The following PLD1 variants were observed in gnomAD, a reference collection of about 807,000 sequenced individuals.
The protein encoded by PLD1 is choline phosphatase 1.
In PLD1, 112 loss-of-function variants were observed where a neutral mutation model predicts 137.1. The observed-to-expected ratio is 0.82, with a 90% CI of 0.70 to 0.96. The LOEUF (loss-of-function observed/expected upper bound fraction) is 0.96. PLD1 is among the 40% of genes least tolerant of loss of function. The pLI is 0.00. For missense variants in PLD1, 1,321 were observed against 1,342.0 expected (o/e 0.98, Z 0.24); for synonymous variants, 431 against 454.7 (o/e 0.95, Z 0.66).
In PLD1 at chr3:171,621,597, A is replaced by G. The variant is rs145358684; in HGVS notation, c.2594-1077T>C. Reference sequence around the variant, plus strand: ...AAATTCATTCATAGGTTATGTATAGAGATGCCTCCATTTAGAGATAGCTCT... The same window carrying G: ...AAATTCATTCATAGGTTATGTATAGGGATGCCTCCATTTAGAGATAGCTCT... On this transcript the variant is annotated intron_variant, in intron 23 of 26. Transcript: ENST00000351298. Among the ~76,000 whole-genome samples the G allele has an allele frequency of 5.8e-3, 884 of 152,288 alleles. 5 individuals carry two copies. Among genetic ancestry groups the G allele is most frequent in the African/African-American group, 0.02 (850 of 41,562 alleles).
At chr3:171,795,126 CA>C (rs1328384528) in intron 1 of PLD1, among the ~76,000 whole-genome samples, 1 of 152,226 alleles carries the variant, frequency 6.6e-6, no homozygotes, top group East Asian at 1.9e-4. Flanking sequence ...CAAATCCTCT[CA>C]AACTTGCTTC....
intron 9 of PLD1, among the ~76,000 whole-genome samples, chr3:171,711,959 A>G (rs1431547642): frequency 6.6e-6 from 1 of 152,142 alleles, no homozygotes; most frequent in African/African-American, 2.4e-5. Context: ...AGAGTGTTGG[A>G]GCCAGCTGTA....
At position 171,783,592 on chromosome 3, in the gene PLD1, TTTTTA is replaced by T. The variant is rs1275692199; in HGVS notation, c.-32+26802_-32+26806del. On this transcript the variant is annotated intron_variant, in intron 1 of 26. Coordinates refer to ENST00000351298, the MANE Select transcript of PLD1 (RefSeq NM_002662.5). ...AAATCTAAATGTTTGACTCCTGTTT[TTTTTA>T]TTTTATTTTATTGATTGAGATAGGG... 3.8e-4 allele frequency among the ~76,000 whole-genome samples: 58 copies of T among 152,212 alleles called. 3 individuals are homozygous for T. In the East Asian group the frequency reaches 0.011, roughly 28 times the overall value.
chr3:171,685,549 A>G (rs1321014588), intron 16 of PLD1, among the ~76,000 whole-genome samples: 7 of 152,300 alleles, frequency 4.6e-5, no homozygotes, highest in East Asian at 3.9e-4. Context: ...GGAGATGACA[A>G]TATCACTACC....
chr3:171,621,429 TG>T (rs1437643739), intron 23 of PLD1, among the ~76,000 whole-genome samples: 1 of 152,210 alleles, frequency 6.6e-6, no homozygotes, highest in Non-Finnish European at 1.5e-5. Context: ...CATTTTTTTT[TG>T]TCTTTAAGAG....
chr3:171,753,872 C>T (rs534191804), intron 1 of PLD1, among the ~76,000 whole-genome samples: 10 of 152,268 alleles, frequency 6.6e-5, no homozygotes, highest in South Asian at 4.1e-4. Flanking sequence ...TTTTGTATTA[C>T]GTTTCCCTGC....
intron 21 of PLD1, among the ~76,000 whole-genome samples, chr3:171,658,310 C>T (rs533980664): frequency 7.9e-5 from 12 of 152,062 alleles, no homozygotes; most frequent in South Asian, 6.2e-4. Context: ...CAATTCTACC[C>T]CTAGAGAAAT....
At chr3:171,745,839 G>A (rs547240799) in intron 1 of PLD1, among the ~76,000 whole-genome samples, 1 of 152,212 alleles carries the variant, frequency 6.6e-6, no homozygotes, top group East Asian at 1.9e-4. Context: ...GCCCCTCTCT[G>A]GGCTGGCGGA....
Position 171,662,167 on chromosome 3 carries a change from G to A in PLD1, c.2233C>T (p.Leu745Phe). 1 of 1,589,996 alleles carries A rather than the reference G, an allele frequency of 6.3e-7. No individual in the cohort carries two copies. Among genetic ancestry groups the A allele is most frequent in the South Asian group, 1.1e-5 (1 of 90,440 alleles). ...GCAGACCAATCAGCAGCAGAGCGGA[G>A]CAACTACAAGGCAGCAATCAGAAAT... The part of the protein sequence containing the change: ...PGSVHANVQL[L>F]RSAADWSAGI... The change falls in exon 20 of 27, where the codon CTC becomes TTC. Residue 745 changes from leucine (L) to phenylalanine (F), a missense_variant. Coordinates refer to ENST00000351298, the MANE Select transcript of PLD1 (RefSeq NM_002662.5).
chr3:171,704,732 C>G (rs1716537319), intron 11 of PLD1, among the ~76,000 whole-genome samples: 1 of 152,108 alleles, frequency 6.6e-6, no homozygotes, highest in African/African-American at 2.4e-5. Flanking sequence ...TTCCCCAAAC[C>G]TCACAGGATA....
chr3:171,620,329 T>A, intron 24 of PLD1, 57 bp downstream of exon 24: 1 of 1,320,728 alleles, frequency 7.6e-7, no homozygotes, highest in South Asian at 1.7e-5. Context: ...CAAACATTTT[T>A]GCATGGGGTA....
At chr3:171,608,894 A>T (rs1732421781) in intron 25 of PLD1, among the ~76,000 whole-genome samples, 1 of 152,198 alleles carries the variant, frequency 6.6e-6, no homozygotes, top group Non-Finnish European at 1.5e-5. Flanking sequence ...AGAAAAAAAC[A>T]GATTGATTTG....
At chr3:171,792,443 G>A (rs771654165) in intron 1 of PLD1, 19 of 374,264 alleles carry the variant, frequency 5.1e-5, no homozygotes. Context: ...GATGGATCAG[G>A]GGCCCCTGGC....
intron 19 of PLD1, among the ~76,000 whole-genome samples, chr3:171,671,212 G>A (rs375119193): frequency 1.4e-4 from 21 of 152,108 alleles, no homozygotes; most frequent in Admixed American, 9.2e-4. Flanking sequence ...ACTGCCTAGC[G>A]ACACTTTTAT....
intron 6 of PLD1, among the ~76,000 whole-genome samples, chr3:171,731,292 C>T (rs1355696553): frequency 6.6e-6 from 1 of 152,120 alleles, no homozygotes; most frequent in Non-Finnish European, 1.5e-5. Context: ...GTATTTCTCA[C>T]AATTATTGAA....
At chr3:171,621,566 G>A (rs2108297869) in intron 23 of PLD1, among the ~76,000 whole-genome samples, 1 of 152,118 alleles carries the variant, frequency 6.6e-6, no homozygotes, top group Admixed American at 6.5e-5. Flanking sequence ...TGGGTATCTT[G>A]GAAAGAAATT....
At chr3:171,657,055 T>A (rs1261131106) in intron 21 of PLD1, among the ~76,000 whole-genome samples, 1 of 152,210 alleles carries the variant, frequency 6.6e-6, no homozygotes, top group East Asian at 1.9e-4. Flanking sequence ...GGGTTGAAAG[T>A]CCAAAGATTT....
At position 171,712,294 on chromosome 3, in the gene PLD1, G is replaced by A. The variant is rs555197315; in HGVS notation, c.911+1599C>T. Among the ~76,000 whole-genome samples the A allele has an allele frequency of 2.4e-4, 37 of 152,282 alleles. 1 individual carries two copies. Among genetic ancestry groups the A allele is most frequent in the Admixed American group, 8.5e-4 (13 of 15,302 alleles). ...TCCCCATCGCGTGTGGTGGAGACACGGGTTTCTAGGGATGGAGACGAGAGG... is the reference window on the plus strand; with the variant it reads ...TCCCCATCGCGTGTGGTGGAGACACAGGTTTCTAGGGATGGAGACGAGAGG... On this transcript the variant is annotated intron_variant, in intron 9 of 26. Coordinates refer to ENST00000351298, the MANE Select transcript of PLD1 (RefSeq NM_002662.5).
intron 6 of PLD1, among the ~76,000 whole-genome samples, chr3:171,732,907 C>T (rs966726525): frequency 5.3e-5 from 8 of 152,182 alleles, no homozygotes; most frequent in African/African-American, 1.2e-4. Context: ...TAAGCCCCAT[C>T]GCCTCTTCTT....
Sources: gnomAD v4.1 joint callset for allele counts (sites outside exome capture counted in the v4.1 genomes callset) on GRCh38, gnomAD v4.1.1 for gene constraint, MANE v1.5 for transcripts, NCBI Gene and HGNC (gene_info 2026-07-23, HGNC 2026-07-21) for gene names.